The following NRG3 variants were observed in gnomAD, a reference collection of about 807,000 sequenced individuals.
NRG3 encodes the protein pro-neuregulin-3, membrane-bound isoform.
In NRG3, 31 loss-of-function variants were observed where a neutral mutation model predicts 66.9. That is an observed-to-expected ratio of 0.46 (90% CI 0.35 to 0.63). The LOEUF (loss-of-function observed/expected upper bound fraction) is 0.63, where lower values mean the gene tolerates loss of function less well. Among genes scored for constraint, NRG3 ranks in the 20% least tolerant of loss-of-function variants. NRG3 has a pLI of 0.00. For synonymous variants in NRG3, 393 were observed against 359.4 expected (o/e 1.09, Z -1.06); for missense variants, 910 against 878.9 (o/e 1.04, Z -0.45).
chr10:81,912,815 A>C lies in NRG3; in HGVS notation c.823+36652A>C, dbSNP rs181488978. Among the ~76,000 whole-genome samples, 24 of 152,344 alleles carry C rather than the reference A, an allele frequency of 1.6e-4. 1 individual carries two copies. In the East Asian group the frequency reaches 4.4e-3, roughly 28 times the overall value. ...TGAAAGAACCAGGGGGCTGAAGCAC[A>C]CAGGAAACTGGAGAGACAAGATAGA... is the stretch of plus-strand genomic sequence containing the variant. On this transcript the variant is annotated intron_variant, in intron 1 of 8. Transcript: ENST00000372141.
At chr10:82,566,532 G>T (rs888702361) in intron 2 of NRG3, among the ~76,000 whole-genome samples, 6 of 151,784 alleles carry the variant, frequency 4.0e-5, no homozygotes, top group African/African-American at 9.7e-5. Flanking sequence ...TCTCAAAAAT[G>T]GAATTTAGTT....
At chr10:82,151,712 TCTTA>T (rs145314586) in intron 1 of NRG3, among the ~76,000 whole-genome samples, 78,087 of 151,590 alleles carry the variant, frequency 0.52, 22,168 homozygotes, top group Non-Finnish European at 0.66. Flanking sequence ...TCCCTTATTG[TCTTA>T]CTTCCCCAAA....
intron 1 of NRG3, among the ~76,000 whole-genome samples, chr10:82,286,056 T>C (rs2079400234): frequency 6.6e-6 from 1 of 152,228 alleles, no homozygotes; most frequent in Non-Finnish European, 1.5e-5. Context: ...GTGTTGATTC[T>C]ACAAACAGAA....
intron 1 of NRG3, among the ~76,000 whole-genome samples, chr10:81,948,910 G>A (rs1849086308): frequency 6.6e-6 from 1 of 152,194 alleles, no homozygotes; most frequent in Non-Finnish European, 1.5e-5. Flanking sequence ...GGGAAGTGTT[G>A]CAGGTTAAAA....
In NRG3 at chr10:82,836,558, G is replaced by A. The variant is rs117564927; in HGVS notation, c.1028-28853G>A. 8.5e-3 allele frequency among the ~76,000 whole-genome samples: 1,296 copies of A among 152,090 alleles called. 9 individuals carry two copies. The highest frequency in any genetic ancestry group is 0.014 in the Non-Finnish European group (939 of 67,990). On this transcript the variant is annotated intron_variant, in intron 3 of 8. Transcript: ENST00000372141. ...AATAACTGAACACAATACCTTTAGC[G>A]TTGACCATTGTTATTTTCTTTTTTT...
intron 1 of NRG3, among the ~76,000 whole-genome samples, chr10:81,898,712 T>C (rs937851544): frequency 6.6e-6 from 1 of 151,802 alleles, no homozygotes; most frequent in African/African-American, 2.4e-5. Context: ...TTTTTTTTTT[T>C]GTACAAGGGA....
rs191716910 is a variant in NRG3 at position 82,391,259 on chromosome 10, C to T, written c.953+32391C>T. Among the ~76,000 whole-genome samples the T allele has an allele frequency of 1.4e-3, 207 of 152,224 alleles. 2 individuals carry two copies. The highest frequency in any genetic ancestry group is 3.9e-3 in the African/African-American group (161 of 41,528). On this transcript the variant is annotated intron_variant, in intron 2 of 8. Transcript: ENST00000372141. ...GAGTTTTGTGAGGCTTCTTTTAAAG[C>T]CTCTCTGTCTGAGAAGGAATATGCT...
At chr10:82,698,782 G>A (rs2055605085) in intron 2 of NRG3, among the ~76,000 whole-genome samples, 1 of 121,268 alleles carries the variant, frequency 8.2e-6, no homozygotes, top group African/African-American at 2.6e-5. Flanking sequence ...CTGGGTTATA[G>A]AAAGTATGCA....
rs183643642 is a variant in NRG3 at position 82,188,071 on chromosome 10, G to A, written c.824-170668G>A. The stretch of plus-strand genomic sequence containing the variant: ...TCCTGACTTCAAATTATACTACAGA[G>A]GTTTAGTAACCAAAACAGCATGGTA... On this transcript the variant is annotated intron_variant, in intron 1 of 8. Transcript: ENST00000372141. 2.0e-5 allele frequency among the ~76,000 whole-genome samples: 3 copies of A among 152,014 alleles called. No homozygotes were observed. In the East Asian group the frequency reaches 5.8e-4, roughly 29 times the overall value.
At chr10:82,149,441 T>G (rs1564611509) in intron 1 of NRG3, among the ~76,000 whole-genome samples, 1 of 152,192 alleles carries the variant, frequency 6.6e-6, no homozygotes, top group Admixed American at 6.5e-5. Flanking sequence ...TTGCAACATT[T>G]CCAGATGTTG....
intron 2 of NRG3, among the ~76,000 whole-genome samples, chr10:82,685,562 T>C: frequency 6.6e-6 from 1 of 152,220 alleles, no homozygotes; most frequent in East Asian, 1.9e-4. Flanking sequence ...ATAAACACTG[T>C]ACAGTTAGGC....
intron 3 of NRG3, among the ~76,000 whole-genome samples, chr10:82,787,071 C>T (rs1174881329): frequency 1.3e-5 from 2 of 152,184 alleles, no homozygotes; most frequent in African/African-American, 4.8e-5. Context: ...ACAGACTAGA[C>T]ATGCAGCCAT....
At chr10:82,859,291 A>G (rs1013368334) in intron 3 of NRG3, 3 of 152,220 alleles carry the variant, frequency 2.0e-5, no homozygotes, top group African/African-American at 4.8e-5. Context: ...TTCCTGGAAC[A>G]TGCTTTTCCA....
rs560287538 is a variant in NRG3, at chr10:82,321,445, T to A, written c.824-37294T>A. 6.6e-5 allele frequency among the ~76,000 whole-genome samples: 10 copies of A among 152,340 alleles called. No individual in the cohort carries two copies. The East Asian group carries it at 1.9e-3, about 29-fold the overall frequency. On this transcript the variant is annotated intron_variant, in intron 1 of 8. Coordinates refer to ENST00000372141, the MANE Select transcript of NRG3 (RefSeq NM_001010848.4). ...TTATTCCTTAAAACCACCTGCGACG[T>A]GATTATTGTTTCCCTTCTTGTATGT...
Position 82,289,215 on chromosome 10 carries a change from G to A in NRG3, c.824-69524G>A, listed in dbSNP as rs114051251. Among the ~76,000 whole-genome samples the A allele has an allele frequency of 9.6e-3, 1,434 of 149,172 alleles. 32 individuals carry two copies. Among genetic ancestry groups the A allele is most frequent in the African/African-American group, 0.033 (1,365 of 41,300 alleles). On this transcript the variant is annotated intron_variant, in intron 1 of 8. Coordinates refer to ENST00000372141, the MANE Select transcript of NRG3 (RefSeq NM_001010848.4). ...TTCGCTTTCTGATTCCACCCTTCAC[G>A]CCATCAGCTCTAGAGACAAAGGTAA...
chr10:82,018,892 T>G (rs907855056), intron 1 of NRG3, among the ~76,000 whole-genome samples: 1 of 152,164 alleles, frequency 6.6e-6, no homozygotes, highest in African/African-American at 2.4e-5. Context: ...CAGGGACAAT[T>G]TGACTTCCTC....
intron 2 of NRG3, among the ~76,000 whole-genome samples, chr10:82,379,027 C>T (rs1016001132): frequency 5.3e-5 from 8 of 152,072 alleles, no homozygotes; most frequent in Non-Finnish European, 7.4e-5. Flanking sequence ...GCTAATTGGG[C>T]GCAGGCAGCC....
chr10:81,941,827 C>T (rs1450015272), intron 1 of NRG3, among the ~76,000 whole-genome samples: 1 of 152,016 alleles, frequency 6.6e-6, no homozygotes, highest in Admixed American at 6.6e-5. Flanking sequence ...TTTGGGATAT[C>T]CATCCTCTTT....
chr10:82,346,573 G>T (rs2083037009), intron 1 of NRG3, among the ~76,000 whole-genome samples: 1 of 152,032 alleles, frequency 6.6e-6, no homozygotes, highest in Non-Finnish European at 1.5e-5. Flanking sequence ...AATGATGCTG[G>T]CCTCATAAAA....
Sources: allele counts gnomAD v4.1 joint callset (sites outside exome capture counted in the v4.1 genomes callset), GRCh38; gene constraint gnomAD v4.1.1; transcripts MANE v1.5; gene names NCBI Gene and HGNC (gene_info 2026-07-23, HGNC 2026-07-21).